The following WWOX variants were observed in gnomAD, a reference collection of about 807,000 sequenced individuals.
The protein encoded by WWOX is WW domain-containing oxidoreductase.
A neutral mutation model predicts 46.2 loss-of-function variants in WWOX; 69 were observed. That is an observed-to-expected ratio of 1.49 (90% CI 1.23 to 1.82). WWOX has a LOEUF of 1.82. Ranked by LOEUF, WWOX falls within the 40% of genes most tolerant of loss-of-function variation. The pLI, the probability that WWOX is intolerant of heterozygous loss-of-function variation, is 0.00. For synonymous variants in WWOX, 359 were observed against 202.6 expected, an observed-to-expected ratio of 1.77 and a Z score of -6.56; for missense variants, 919 against 542.6, an observed-to-expected ratio of 1.69 and a Z score of -6.89.
chr16:78,598,670 C>G (rs1472825538), intron 8 of WWOX, among the ~76,000 whole-genome samples: 4 of 152,136 alleles, frequency 2.6e-5, no homozygotes, highest in Non-Finnish European at 5.9e-5. Flanking sequence ...AATCACAGCA[C>G]TGGTTGAAGC....
intron 8 of WWOX, among the ~76,000 whole-genome samples, chr16:78,836,194 T>A (rs1025214012): frequency 2.0e-4 from 31 of 152,008 alleles, no homozygotes; most frequent in African/African-American, 7.5e-4. Flanking sequence ...TTTTTAACAG[T>A]TAGATTTACT....
intron 8 of WWOX, among the ~76,000 whole-genome samples, chr16:78,841,368 C>T (rs1268500895): frequency 6.6e-6 from 1 of 152,128 alleles, no homozygotes; most frequent in Non-Finnish European, 1.5e-5. Flanking sequence ...CTAGACATGC[C>T]CTTAGCGAGC....
At chr16:78,381,078 C>G (rs1303690407) in intron 5 of WWOX, among the ~76,000 whole-genome samples, 1 of 152,168 alleles carries the variant, frequency 6.6e-6, no homozygotes, top group African/African-American at 2.4e-5. Context: ...ATTGGACATA[C>G]TGGGCTGTAG....
intron 5 of WWOX, among the ~76,000 whole-genome samples, chr16:78,309,304 C>T (rs146680415): frequency 1.3e-5 from 2 of 152,166 alleles, no homozygotes; most frequent in South Asian, 4.1e-4. Context: ...GCTTTGTGAA[C>T]CTGGTGCTTT....
intron 8 of WWOX, among the ~76,000 whole-genome samples, chr16:78,871,199 A>T (rs1003278864): frequency 6.6e-6 from 1 of 150,782 alleles, no homozygotes; most frequent in East Asian, 1.9e-4. Flanking sequence ...TAATGAGGCA[A>T]TCAGGGGTAA....
At chr16:78,986,704 C>T (rs781552837) in intron 8 of WWOX, among the ~76,000 whole-genome samples, 4 of 152,104 alleles carry the variant, frequency 2.6e-5, no homozygotes, top group Non-Finnish European at 5.9e-5. Flanking sequence ...GAGGCTGTTA[C>T]CAATTGACCA....
At chr16:78,468,641 C>A (rs1011780379) in intron 8 of WWOX, among the ~76,000 whole-genome samples, 4 of 152,142 alleles carry the variant, frequency 2.6e-5, no homozygotes, top group Admixed American at 2.6e-4. Flanking sequence ...CATCCCATGT[C>A]TGATTTATAC....
Position 78,141,103 on chromosome 16 carries a change from G to A in WWOX, c.410-23080G>A, listed in dbSNP as rs73564587. Among the ~76,000 whole-genome samples, 1,381 of 152,294 alleles carry A rather than the reference G, an allele frequency of 9.1e-3. 21 individuals carry two copies. The highest frequency in any genetic ancestry group is 0.032 in the African/African-American group (1,316 of 41,556). On this transcript the variant is annotated intron_variant, in intron 4 of 8. Transcript: ENST00000566780. Reference sequence around the variant, plus strand: ...AGACATTAGGAACCAAGGGGGGATTGCCTGCTTTTGGATCACAGAGCAAGC... The same window carrying A: ...AGACATTAGGAACCAAGGGGGGATTACCTGCTTTTGGATCACAGAGCAAGC...
chr16:79,065,687 T>G (rs1021648775), intron 8 of WWOX, among the ~76,000 whole-genome samples: 3 of 152,220 alleles, frequency 2.0e-5, no homozygotes, highest in Admixed American at 2.0e-4. Context: ...CCTTGTGGCC[T>G]TTTAGGAGCT....
intron 8 of WWOX, among the ~76,000 whole-genome samples, chr16:78,779,014 A>C (rs186637895): frequency 6.6e-6 from 1 of 152,342 alleles, no homozygotes; most frequent in East Asian, 1.9e-4. Context: ...GACCAGTCTG[A>C]ATAAAACCAA....
At chr16:79,123,897 G>A (rs375413239) in intron 8 of WWOX, among the ~76,000 whole-genome samples, 7 of 152,146 alleles carry the variant, frequency 4.6e-5, no homozygotes, top group East Asian at 1.9e-4. Flanking sequence ...ATCGATGGAG[G>A]TTTGATTAAA....
chr16:78,970,311 A>G (rs1261570314), intron 8 of WWOX, among the ~76,000 whole-genome samples: 1 of 152,182 alleles, frequency 6.6e-6, no homozygotes, highest in African/African-American at 2.4e-5. Context: ...TCCCCACTAC[A>G]GTGTAAACTC....
chr16:78,590,049 T>C (rs2045314076), intron 8 of WWOX, among the ~76,000 whole-genome samples: 1 of 152,140 alleles, frequency 6.6e-6, no homozygotes. Context: ...GTCCTAGGAT[T>C]ATAGAAGTCA....
chr16:78,947,527 C>A (rs376733406), intron 8 of WWOX, among the ~76,000 whole-genome samples: 4 of 151,832 alleles, frequency 2.6e-5, no homozygotes, highest in Non-Finnish European at 5.9e-5. Flanking sequence ...GGGAGCCTTT[C>A]GGCTGGAAAG....
intron 8 of WWOX, among the ~76,000 whole-genome samples, chr16:78,531,703 A>C (rs1344236445): frequency 6.6e-6 from 1 of 152,004 alleles, no homozygotes; most frequent in East Asian, 1.9e-4. Flanking sequence ...ATTTTTTTGT[A>C]TTTTGGGATT....
At chr16:78,109,020 G>C (rs1461273161) in intron 2 of WWOX, among the ~76,000 whole-genome samples, 2 of 152,112 alleles carry the variant, frequency 1.3e-5, no homozygotes, top group Non-Finnish European at 2.9e-5. Flanking sequence ...ACAAAAACCA[G>C]AAAATAATTG....
chr16:78,452,660 G>A (rs776760290), intron 8 of WWOX, among the ~76,000 whole-genome samples: 1 of 151,212 alleles, frequency 6.6e-6, no homozygotes, highest in Non-Finnish European at 1.5e-5. Flanking sequence ...GTTTTTAATA[G>A]AGACTAGGTT....
At chr16:78,463,964 C>T (rs534908790) in intron 8 of WWOX, among the ~76,000 whole-genome samples, 6 of 152,246 alleles carry the variant, frequency 3.9e-5, no homozygotes, top group Non-Finnish European at 8.8e-5. Flanking sequence ...GTGAGTCTTT[C>T]TCCAAGGGAA....
chr16:79,120,511 G>GT (rs1567563150), intron 8 of WWOX, among the ~76,000 whole-genome samples: 1 of 152,158 alleles, frequency 6.6e-6, no homozygotes, highest in East Asian at 1.9e-4. Flanking sequence ...CCCTGTGCTA[G>GT]TTTTTTGTGG....
Sources: gnomAD v4.1 joint callset for allele counts (sites outside exome capture counted in the v4.1 genomes callset) on GRCh38, gnomAD v4.1.1 for gene constraint, MANE v1.5 for transcripts, NCBI Gene and HGNC (gene_info 2026-07-23, HGNC 2026-07-21) for gene names.